The following MB21D2 variants were observed in gnomAD, a reference collection of about 807,000 sequenced individuals.
MB21D2 encodes nucleotidyltransferase MB21D2.
In MB21D2, 9 loss-of-function variants were observed where a neutral mutation model predicts 33.3. That is an observed-to-expected ratio of 0.27 (90% CI 0.16 to 0.47). The LOEUF (loss-of-function observed/expected upper bound fraction) is 0.47. MB21D2 is among the 20% of genes least tolerant of loss of function. The probability of loss-of-function intolerance (pLI) is 0.99; values close to 1 mark genes in which losing one functional copy is unlikely to be tolerated. For missense variants in MB21D2, 540 were observed against 624.6 expected (o/e 0.86, Z 1.44); for synonymous variants, 241 against 236.3 (o/e 1.02, Z -0.18).
chr3:192,858,355 C>T (rs1021078891), intron 1 of MB21D2, among the ~76,000 whole-genome samples: 2 of 152,132 alleles, frequency 1.3e-5, no homozygotes, highest in African/African-American at 4.8e-5. Context: ...AGCACCATTT[C>T]CACTGTTCTC....
chr3:192,912,289 A>C (rs1296232705), intron 1 of MB21D2, among the ~76,000 whole-genome samples: 1 of 152,238 alleles, frequency 6.6e-6, no homozygotes, highest in East Asian at 1.9e-4. Context: ...GCTGATTGGC[A>C]AACACTATTA....
chr3:192,804,426 T>TACACACACAC (rs10552964), intron 1 of MB21D2, among the ~76,000 whole-genome samples: 4 of 147,062 alleles, frequency 2.7e-5, no homozygotes, highest in African/African-American at 7.5e-5. Flanking sequence ...TTAAAACAGA[T>TACACACACAC]ACACACACAC....
At chr3:192,876,096 G>C (rs1255990857) in intron 1 of MB21D2, among the ~76,000 whole-genome samples, 1 of 152,100 alleles carries the variant, frequency 6.6e-6, no homozygotes, top group Non-Finnish European at 1.5e-5. Context: ...ACACTTTTAT[G>C]CTCACTACCT....
chr3:192,909,264 A>T (rs1328205148), intron 1 of MB21D2, among the ~76,000 whole-genome samples: 3,543 of 149,950 alleles, frequency 0.024, 51 homozygotes, highest in Non-Finnish European at 0.034. Flanking sequence ...TCAAAAAAAA[A>T]AAATAAAAAA....
At chr3:192,813,381 T>C (rs1176469133) in intron 1 of MB21D2, among the ~76,000 whole-genome samples, 2 of 151,944 alleles carry the variant, frequency 1.3e-5, no homozygotes, top group African/African-American at 4.8e-5. Flanking sequence ...CAGTCTTTGA[T>C]GTTATGAGGC....
chr3:192,807,019 C>A (rs564971191), intron 1 of MB21D2, among the ~76,000 whole-genome samples: 18 of 152,236 alleles, frequency 1.2e-4, no homozygotes, highest in African/African-American at 4.3e-4. Context: ...TGAGAAAATG[C>A]ACAACAAATT....
chr3:192,862,471 A>G (rs2108634380), intron 1 of MB21D2, among the ~76,000 whole-genome samples: 1 of 152,242 alleles, frequency 6.6e-6, no homozygotes, highest in East Asian at 1.9e-4. Context: ...TGCCTCTAGA[A>G]GAAGTAACTT....
At chr3:192,814,785 A>C (rs1339464478) in intron 1 of MB21D2, among the ~76,000 whole-genome samples, 1 of 151,996 alleles carries the variant, frequency 6.6e-6, no homozygotes, top group Non-Finnish European at 1.5e-5. Flanking sequence ...GAATGGCGTG[A>C]ACCCAGGAGG....
In MB21D2 at chr3:192,798,875, G is replaced by A. The variant is rs1322697084; in HGVS notation, c.987C>T (p.Pro329=). The change falls in exon 2 of 2, where the codon CCC becomes CCT. Residue 329 remains proline, a synonymous_variant. Transcript: ENST00000392452. This position sits in a 1 kb window ranked among gnomAD's most constrained non-coding sequence, Gnocchi z 4.8. ...KLLSRPKAIS[P]YHLRSMMLWA... ...AGAGCATCATGCTCCGCAGGTGATA[G>A]GGGCTAATAGCCTTGGGCCGGGACA... 2 of 1,613,288 alleles carry A rather than the reference G, an allele frequency of 1.2e-6. No homozygotes were observed. Among genetic ancestry groups the A allele is most frequent in the East Asian group, 2.2e-5 (1 of 44,882 alleles).
intron 1 of MB21D2, among the ~76,000 whole-genome samples, chr3:192,863,579 T>C (rs1176062170): frequency 6.6e-6 from 1 of 152,208 alleles, no homozygotes. Flanking sequence ...CAGTGCCCTA[T>C]GAAGACAAGG....
At chr3:192,815,901 C>G (rs935045054) in intron 1 of MB21D2, among the ~76,000 whole-genome samples, 1 of 152,132 alleles carries the variant, frequency 6.6e-6, no homozygotes, top group Non-Finnish European at 1.5e-5. Flanking sequence ...CCAGCCGAAT[C>G]CTTAAGGACA....
Position 192,895,331 on chromosome 3 carries a change from C to G in MB21D2, c.211+22299G>C, listed in dbSNP as rs144409129. Reference sequence around the variant, plus strand: ...CCCACACCCAGACATAGTCCCCCATCATCTCCAAATCAGGTCTCTCTCAAT... The same window carrying G: ...CCCACACCCAGACATAGTCCCCCATGATCTCCAAATCAGGTCTCTCTCAAT... On this transcript the variant is annotated intron_variant, in intron 1 of 1. Coordinates refer to ENST00000392452, the MANE Select transcript of MB21D2 (RefSeq NM_178496.4). Among the ~76,000 whole-genome samples, 27 of 152,340 alleles carry G rather than the reference C, an allele frequency of 1.8e-4. No homozygotes were observed. In the East Asian group the frequency reaches 5.0e-3, roughly 28 times the overall value.
intron 1 of MB21D2, among the ~76,000 whole-genome samples, chr3:192,814,742 T>TG (rs764503548): frequency 1.3e-3 from 194 of 151,956 alleles, no homozygotes; most frequent in Admixed American, 2.3e-3. Context: ...GTGGACGCCT[T>TG]TAGTCCCAGC....
intron 1 of MB21D2, among the ~76,000 whole-genome samples, chr3:192,866,799 TAGAAG>T (rs1377922247): frequency 1.3e-5 from 2 of 152,210 alleles, no homozygotes; most frequent in Non-Finnish European, 2.9e-5. Context: ...TTCCCATCTT[TAGAAG>T]AGGAGACTTA....
chr3:192,848,637 G>C (rs1412025497), intron 1 of MB21D2, among the ~76,000 whole-genome samples: 1 of 152,222 alleles, frequency 6.6e-6, no homozygotes, highest in Non-Finnish European at 1.5e-5. Context: ...ATAAAACCTT[G>C]TGAAATGAAG....
chr3:192,844,905 G>A (rs577366550), intron 1 of MB21D2, among the ~76,000 whole-genome samples: 16 of 152,238 alleles, frequency 1.1e-4, no homozygotes, highest in African/African-American at 2.9e-4. Context: ...CCCATCTCTC[G>A]GCCAGGCGGT....
chr3:192,842,304 C>G (rs1375021707), intron 1 of MB21D2, among the ~76,000 whole-genome samples: 2 of 152,228 alleles, frequency 1.3e-5, no homozygotes, highest in Admixed American at 6.5e-5. Context: ...CCAGAGGTTT[C>G]TAACCACTCA....
intron 1 of MB21D2, among the ~76,000 whole-genome samples, chr3:192,829,381 T>C (rs1390845028): frequency 1.3e-5 from 2 of 152,236 alleles, no homozygotes; most frequent in African/African-American, 4.8e-5. Context: ...CTCAGACGAA[T>C]ACCTGGAAGT....
chr3:192,898,058 C>G (rs994316269), intron 1 of MB21D2, among the ~76,000 whole-genome samples: 8 of 152,060 alleles, frequency 5.3e-5, no homozygotes, highest in Non-Finnish European at 7.4e-5. Context: ...ATAGTATTAT[C>G]TCTCATGCAA....
Sources: allele counts gnomAD v4.1 joint callset (sites outside exome capture counted in the v4.1 genomes callset), GRCh38; gene constraint gnomAD v4.1.1; non-coding constraint Gnocchi (gnomAD v3.1); transcripts MANE v1.5; gene names NCBI Gene and HGNC (gene_info 2026-07-23, HGNC 2026-07-21).